The following HNRNPUL1 variants were observed in gnomAD, a reference collection of about 807,000 sequenced individuals.
The protein encoded by HNRNPUL1 is heterogeneous nuclear ribonucleoprotein U-like protein 1.
In HNRNPUL1, 14 loss-of-function variants were observed where a neutral mutation model predicts 108.5. That is an observed-to-expected ratio of 0.13 (90% confidence interval 0.09 to 0.20). The LOEUF (loss-of-function observed/expected upper bound fraction) is 0.20, where lower values mean the gene tolerates loss of function less well. Ranked by LOEUF, HNRNPUL1 falls within the 10% of genes least tolerant of loss-of-function variation. HNRNPUL1 has a pLI of 1.00. For missense variants in HNRNPUL1, 804 were observed against 1,168.3 expected, an observed-to-expected ratio of 0.69 and a Z score of 4.55; for synonymous variants, 422 against 445.2, an observed-to-expected ratio of 0.95 and a Z score of 0.66.
chr19:41,304,219 C>T lies in HNRNPUL1; in HGVS notation c.2220C>T (p.Ala740=). The T allele has an allele frequency of 6.2e-7, 1 of 1,613,242 alleles. No homozygotes were observed. The highest frequency in any genetic ancestry group is 8.5e-7 in the Non-Finnish European group (1 of 1,179,462). The change falls in exon 13 of 15, where the codon GCC becomes GCT. Residue 740 remains alanine (A), a synonymous_variant. Coordinates refer to ENST00000392006, the MANE Select transcript of HNRNPUL1 (RefSeq NM_007040.6). The part of the protein sequence containing the change: ...NKNSNIPGSS[A]NTSTPTVSSY... ...ACAGCAACATCCCTGGCTCAAGCGC[C>T]AATACCAGCACCCCCACCGTCAGCA...
chr19:41,268,406 C>T, intron 2 of HNRNPUL1, 61 bp downstream of exon 2: 3 of 1,563,594 alleles, frequency 1.9e-6, no homozygotes, highest in Middle Eastern at 1.8e-4. Flanking sequence ...AGCCTTTACC[C>T]CCTGCTTAGA....
intron 10 of HNRNPUL1, among the ~76,000 whole-genome samples, chr19:41,299,656 C>T (rs571068450): frequency 4.2e-4 from 64 of 152,128 alleles, no homozygotes; most frequent in Non-Finnish European, 7.4e-4. Context: ...GTCTTTCAGA[C>T]GAGGAAATTT....
At chr19:41,268,562 A>T (rs959823104) in intron 2 of HNRNPUL1, among the ~76,000 whole-genome samples, 1 of 152,134 alleles carries the variant, frequency 6.6e-6, no homozygotes, top group African/African-American at 2.4e-5. Flanking sequence ...TCTGTAAAAA[A>T]GTGATGTTAG....
chr19:41,267,206 A>G (rs772855595), intron 1 of HNRNPUL1, among the ~76,000 whole-genome samples: 2 of 152,180 alleles, frequency 1.3e-5, no homozygotes, highest in Non-Finnish European at 2.9e-5. Context: ...GAATGAGATC[A>G]CATGTGAAGG....
At chr19:41,283,598 G>A (rs2036035127) in intron 7 of HNRNPUL1, among the ~76,000 whole-genome samples, 1 of 152,154 alleles carries the variant, frequency 6.6e-6, no homozygotes, top group Admixed American at 6.5e-5. Flanking sequence ...TGGGATTACA[G>A]GTGCACGCCA....
upstream of HNRNPUL1, among the ~76,000 whole-genome samples, chr19:41,263,480 T>A (rs895808130): frequency 6.6e-6 from 1 of 152,106 alleles, no homozygotes; most frequent in African/African-American, 2.4e-5. Flanking sequence ...CCGTTCCACG[T>A]CAGGTACCCG....
At chr19:41,279,539 T>A (rs1026540836) in intron 6 of HNRNPUL1, among the ~76,000 whole-genome samples, 14 of 152,150 alleles carry the variant, frequency 9.2e-5, no homozygotes, top group African/African-American at 3.4e-4. Flanking sequence ...GTATTTTCTG[T>A]CCGGAGCCTA....
chr19:41,281,541 G>C (rs2035899909), intron 7 of HNRNPUL1, among the ~76,000 whole-genome samples: 1 of 151,938 alleles, frequency 6.6e-6, no homozygotes, highest in African/African-American at 2.4e-5. Flanking sequence ...TCCGTTCCTA[G>C]GTACCAGAGT....
rs769283502 is a variant in HNRNPUL1, at chr19:41,294,995, T to G, written c.1518+309T>G. On this transcript the variant is annotated intron_variant, in intron 10 of 14. Transcript: ENST00000392006. This position sits in a 1 kb window ranked among gnomAD's most constrained non-coding sequence, Gnocchi z 4.3. ...GAGAGACTGGAGCTTGAATGCCAGC[T>G]CGGCTACTCCCTAGCTCTGTGCCTT... is the stretch of plus-strand genomic sequence containing the variant. 2.0e-5 allele frequency among the ~76,000 whole-genome samples: 3 copies of G among 152,202 alleles called. No homozygotes were observed. The highest frequency in any genetic ancestry group is 4.4e-5 in the Non-Finnish European group (3 of 68,030).
chr19:41,276,065 T>C (rs2035536424), intron 4 of HNRNPUL1, 94 bp from the exon 5 acceptor site: 1 of 1,533,580 alleles, frequency 6.5e-7, no homozygotes, highest in Non-Finnish European at 8.9e-7. Context: ...ATCGCACCAT[T>C]GCACTCCAGC....
chr19:41,306,124 C>T (rs190401013), intron 14 of HNRNPUL1, among the ~76,000 whole-genome samples: 1 of 152,322 alleles, frequency 6.6e-6, no homozygotes, highest in Admixed American at 6.5e-5. Context: ...TCAGAGTCCT[C>T]TTTCAGCACC....
intron 4 of HNRNPUL1, 90 bp downstream of exon 4, chr19:41,274,145 C>A: frequency 9.6e-7 from 1 of 1,043,700 alleles, no homozygotes; most frequent in Non-Finnish European, 1.5e-6. Context: ...CTGCTGGGCA[C>A]CGTCCAAAGA....
At chr19:41,296,642 T>G (rs2036913173) in intron 10 of HNRNPUL1, among the ~76,000 whole-genome samples, 1 of 152,020 alleles carries the variant, frequency 6.6e-6, no homozygotes, top group African/African-American at 2.4e-5. Context: ...GAGGGGGAAG[T>G]TGTGTGTTTG....
chr19:41,286,872 A>G (rs183045365), intron 7 of HNRNPUL1, among the ~76,000 whole-genome samples: 2 of 151,404 alleles, frequency 1.3e-5, no homozygotes, highest in African/African-American at 4.9e-5. Context: ...GCCTGCCACC[A>G]TGCCTGGCTC....
At chr19:41,282,692 C>A (rs927557400) in intron 7 of HNRNPUL1, among the ~76,000 whole-genome samples, 3 of 141,448 alleles carry the variant, frequency 2.1e-5, no homozygotes, top group African/African-American at 7.7e-5. Flanking sequence ...TTCTTTTTTT[C>A]TTTTTTTTTT....
chr19:41,265,372 C>T (rs929247236), intron 1 of HNRNPUL1: 1 of 1,518,450 alleles, frequency 6.6e-7, no homozygotes, highest in African/African-American at 1.4e-5. Flanking sequence ...GAGGTGGAGG[C>T]GCTGGTGTCT....
At chr19:41,296,441 G>T (rs2036900942) in intron 10 of HNRNPUL1, among the ~76,000 whole-genome samples, 1 of 152,204 alleles carries the variant, frequency 6.6e-6, no homozygotes, top group South Asian at 2.1e-4. Context: ...GGCCAACAAT[G>T]AGACAGAGAA....
At chr19:41,297,459 G>C (rs1229201844) in intron 10 of HNRNPUL1, among the ~76,000 whole-genome samples, 1 of 152,204 alleles carries the variant, frequency 6.6e-6, no homozygotes, top group African/African-American at 2.4e-5. Flanking sequence ...GAGAAAGGTG[G>C]AGTAGAAGGC....
chr19:41,276,890 G>T (rs1192019833), intron 5 of HNRNPUL1: 1 of 152,362 alleles, frequency 6.6e-6, no homozygotes, highest in African/African-American at 2.4e-5. Flanking sequence ...ACAAGGTCAG[G>T]AGTTCAATAC....
Sources: allele counts gnomAD v4.1 joint callset (sites outside exome capture counted in the v4.1 genomes callset), GRCh38; gene constraint gnomAD v4.1.1; non-coding constraint Gnocchi (gnomAD v3.1); transcripts MANE v1.5; gene names NCBI Gene and HGNC (gene_info 2026-07-23, HGNC 2026-07-21).